Variants in NELL1 observed in about 807,000 individuals in gnomAD.
NELL1 encodes the protein neural EGFL like 1.
A neutral mutation model predicts 107.4 loss-of-function variants in NELL1; 76 were observed. The observed-to-expected ratio is 0.71, with a 90% CI of 0.59 to 0.86. The LOEUF is 0.86. NELL1 is among the 40% of genes least tolerant of loss of function. NELL1 has a pLI of 0.00. For synonymous variants in NELL1, 353 were observed against 341.2 expected (o/e 1.03, Z -0.38); for missense variants, 1,024 against 1,005.5 (o/e 1.02, Z -0.25).
chr11:21,534,435 G>A lies in NELL1; in HGVS notation c.1707G>A (p.Leu569=). The part of the protein sequence containing the change: ...ECHNHSRCVN[L]PGWYHCECRS... The stretch of plus-strand genomic sequence containing the variant: ...ACAACCATTCCCGCTGCGTTAACCT[G>A]CCAGGGTGGTACCACTGTGAGTGCA... Residue 569 remains leucine (L), a synonymous_variant, in exon 16 of 20, where the codon CTG becomes CTA. Transcript: ENST00000357134. 6.2e-7 allele frequency: 1 copy of A among 1,613,862 alleles called. No individual in the cohort carries two copies. Among genetic ancestry groups the A allele is most frequent in the Non-Finnish European group, 8.5e-7 (1 of 1,179,854 alleles).
At chr11:20,938,908 GTCTCTCTCTCTCTCTC>G (rs71443766) in intron 10 of NELL1, among the ~76,000 whole-genome samples, 10 of 144,540 alleles carry the variant, frequency 6.9e-5, no homozygotes, top group African/African-American at 1.1e-4. Flanking sequence ...TTCTCTCTCT[GTCTCTCTCTCTCTCTC>G]TCTCTCTCTC....
At chr11:20,991,175 C>T (rs1459610167) in intron 12 of NELL1, among the ~76,000 whole-genome samples, 3 of 152,230 alleles carry the variant, frequency 2.0e-5, no homozygotes, top group African/African-American at 7.2e-5. Flanking sequence ...TAAGGGAACA[C>T]ATGCCCTGGA....
At chr11:21,174,228 AG>A (rs1274786833) in intron 13 of NELL1, among the ~76,000 whole-genome samples, 2 of 151,988 alleles carry the variant, frequency 1.3e-5, no homozygotes, top group East Asian at 3.9e-4. Context: ...CTAATATACA[AG>A]TAACTGATTC....
At chr11:21,176,815 C>T (rs553402189) in intron 13 of NELL1, among the ~76,000 whole-genome samples, 1 of 151,734 alleles carries the variant, frequency 6.6e-6, no homozygotes, top group South Asian at 2.1e-4. Flanking sequence ...GATGAAACTT[C>T]ATATCTATTA....
intron 15 of NELL1, among the ~76,000 whole-genome samples, chr11:21,486,866 G>C (rs1217891589): frequency 1.3e-5 from 2 of 151,960 alleles, no homozygotes; most frequent in East Asian, 3.9e-4. Flanking sequence ...AGATCAAGCA[G>C]AAGAAAGAAT....
At chr11:20,809,426 G>C (rs1378735185) in intron 3 of NELL1, among the ~76,000 whole-genome samples, 1 of 151,990 alleles carries the variant, frequency 6.6e-6, no homozygotes, top group East Asian at 1.9e-4. Context: ...ATACATTATT[G>C]TTAAGTTTAG....
At chr11:21,031,955 G>C (rs1163634706) in intron 12 of NELL1, among the ~76,000 whole-genome samples, 1 of 151,766 alleles carries the variant, frequency 6.6e-6, no homozygotes, top group African/African-American at 2.4e-5. Flanking sequence ...TGAGGTGAGA[G>C]AATCGCTTGA....
intron 13 of NELL1, among the ~76,000 whole-genome samples, chr11:21,198,095 G>A (rs1857192620): frequency 6.6e-6 from 1 of 152,184 alleles, no homozygotes; most frequent in Non-Finnish European, 1.5e-5. Flanking sequence ...ATCAACTGAA[G>A]GTTTCTTTCC....
intron 16 of NELL1, among the ~76,000 whole-genome samples, chr11:21,543,212 G>T (rs1296442118): frequency 6.6e-6 from 1 of 152,020 alleles, no homozygotes; most frequent in African/African-American, 2.4e-5. Context: ...ATAATATTTA[G>T]TGTGGTCTCA....
chr11:20,682,825 A>G (rs974731945), intron 2 of NELL1, among the ~76,000 whole-genome samples: 1 of 152,056 alleles, frequency 6.6e-6, no homozygotes, highest in African/African-American at 2.4e-5. Flanking sequence ...AGAATTTTAT[A>G]TAAATAGAAT....
intron 12 of NELL1, among the ~76,000 whole-genome samples, chr11:21,074,778 T>C (rs1037689862): frequency 6.6e-6 from 1 of 152,136 alleles, no homozygotes; most frequent in African/African-American, 2.4e-5. Flanking sequence ...AATTCTGATG[T>C]GCAGTCAAGC....
intron 13 of NELL1, among the ~76,000 whole-genome samples, chr11:21,179,857 A>G (rs899075578): frequency 8.0e-6 from 1 of 125,688 alleles, no homozygotes; most frequent in Non-Finnish European, 1.6e-5. Flanking sequence ...ACAGAAATCA[A>G]CACACTTTTT....
Position 20,823,634 on chromosome 11 carries a change from G to A in NELL1, c.336-23949G>A, listed in dbSNP as rs1369321084. On this transcript the variant is annotated intron_variant, in intron 3 of 19. Coordinates refer to ENST00000357134, the MANE Select transcript of NELL1 (RefSeq NM_006157.5). ...TTGTTATAAAATCTCCTGAATCTGAGTGCTTGGGAATTTGGTCTGGGAATG... is the reference window on the plus strand; with the variant it reads ...TTGTTATAAAATCTCCTGAATCTGAATGCTTGGGAATTTGGTCTGGGAATG... Among the ~76,000 whole-genome samples, 4 of 151,430 alleles carry A rather than the reference G, an allele frequency of 2.6e-5. 1 individual carries two copies. Among genetic ancestry groups the A allele is most frequent in the African/African-American group, 4.8e-5 (2 of 41,488 alleles).
chr11:21,351,029 G>GAT (rs954432812), intron 14 of NELL1, among the ~76,000 whole-genome samples: 7 of 152,168 alleles, frequency 4.6e-5, no homozygotes, highest in Non-Finnish European at 8.8e-5. Context: ...GGTATAATTG[G>GAT]ATTGGTATAA....
intron 2 of NELL1, among the ~76,000 whole-genome samples, chr11:20,685,767 T>C (rs551816492): frequency 3.9e-5 from 6 of 152,230 alleles, no homozygotes; most frequent in African/African-American, 1.2e-4. Flanking sequence ...GCATTATTGA[T>C]GTCAGATTTT....
intron 13 of NELL1, among the ~76,000 whole-genome samples, chr11:21,216,042 G>T (rs1307001283): frequency 1.3e-5 from 2 of 152,110 alleles, no homozygotes; most frequent in Non-Finnish European, 2.9e-5. Context: ...CAGGTCCAGG[G>T]CCTCCCCTCT....
chr11:20,802,396 T>G (rs1252887907), intron 3 of NELL1, among the ~76,000 whole-genome samples: 5 of 146,828 alleles, frequency 3.4e-5, no homozygotes, highest in Non-Finnish European at 6.0e-5. Context: ...ATTGTTGGTG[T>G]ACAGAAATGC....
intron 15 of NELL1, among the ~76,000 whole-genome samples, chr11:21,465,554 G>T (rs867418632): frequency 7.2e-5 from 11 of 151,842 alleles, no homozygotes; most frequent in Admixed American, 1.3e-4. Context: ...CATATCAATC[G>T]TCACCTTATA....
At chr11:20,747,145 C>G (rs1286578335) in intron 2 of NELL1, among the ~76,000 whole-genome samples, 1 of 151,998 alleles carries the variant, frequency 6.6e-6, no homozygotes, top group Non-Finnish European at 1.5e-5. Flanking sequence ...ACCAGGAAGG[C>G]AATTGAATTA....
Sources: allele counts gnomAD v4.1 joint callset (sites outside exome capture counted in the v4.1 genomes callset), GRCh38; gene constraint gnomAD v4.1.1; transcripts MANE v1.5; gene names NCBI Gene and HGNC (gene_info 2026-07-23, HGNC 2026-07-21).